Variants in ZFAND3 observed in about 807,000 individuals in gnomAD.
The protein encoded by ZFAND3 is AN1-type zinc finger protein 3.
Under a neutral mutation model 29.6 loss-of-function variants are expected in ZFAND3, and 10 were observed. That is an observed-to-expected ratio of 0.34 (90% CI 0.21 to 0.57). The LOEUF (loss-of-function observed/expected upper bound fraction) is 0.57, where lower values mean the gene tolerates loss of function less well. ZFAND3 is among the 20% of genes least tolerant of loss of function. ZFAND3 has a pLI of 0.86. For missense variants in ZFAND3, 230 were observed against 304.5 expected (o/e 0.76, Z 1.82); for synonymous variants, 128 against 112.6 (o/e 1.14, Z -0.87).
chr6:38,073,195 CT>C (rs999203352), intron 3 of ZFAND3, among the ~76,000 whole-genome samples: 42 of 152,134 alleles, frequency 2.8e-4, no homozygotes, highest in Non-Finnish European at 4.7e-4. Flanking sequence ...GAATAGATGT[CT>C]TTTTTTCATT....
intron 2 of ZFAND3, among the ~76,000 whole-genome samples, chr6:38,037,255 T>G (rs938040794): frequency 6.6e-6 from 1 of 152,180 alleles, no homozygotes; most frequent in Non-Finnish European, 1.5e-5. Flanking sequence ...GTGGGAAATA[T>G]TTTTAGTGTT....
intron 2 of ZFAND3, among the ~76,000 whole-genome samples, chr6:37,980,031 G>A (rs916895575): frequency 6.6e-6 from 1 of 152,170 alleles, no homozygotes; most frequent in African/African-American, 2.4e-5. Context: ...TGCCTACCAA[G>A]CCAGGGCTAC....
intron 1 of ZFAND3, among the ~76,000 whole-genome samples, chr6:37,898,945 G>T (rs1243765973): frequency 3.9e-5 from 6 of 152,006 alleles, no homozygotes; most frequent in African/African-American, 1.5e-4. Context: ...GCCCAGGCTG[G>T]AGTTTAGTGG....
intron 2 of ZFAND3, among the ~76,000 whole-genome samples, chr6:38,009,389 T>C (rs1324232421): frequency 1.3e-5 from 2 of 152,210 alleles, no homozygotes; most frequent in African/African-American, 4.8e-5. Context: ...GACCAGCAAG[T>C]AAGTTCCAAA....
intron 5 of ZFAND3, among the ~76,000 whole-genome samples, chr6:38,138,237 C>T (rs1562013357): frequency 6.6e-6 from 1 of 152,114 alleles, no homozygotes; most frequent in Non-Finnish European, 1.5e-5. Context: ...CTCAAGAATA[C>T]ATAAAAATAG....
intron 1 of ZFAND3, among the ~76,000 whole-genome samples, chr6:37,844,875 T>A (rs1764148851): frequency 6.6e-6 from 1 of 150,716 alleles, no homozygotes; most frequent in African/African-American, 2.4e-5. Context: ...ATACAAAAAA[T>A]TAGCCAGGCG....
chr6:38,105,320 G>A (rs760529570), intron 4 of ZFAND3, among the ~76,000 whole-genome samples: 8 of 152,062 alleles, frequency 5.3e-5, no homozygotes, highest in Non-Finnish European at 1.2e-4. Context: ...GGGGAGGATC[G>A]CTTGAGCCCA....
intron 2 of ZFAND3, among the ~76,000 whole-genome samples, chr6:37,948,921 G>A (rs1761947748): frequency 6.6e-6 from 1 of 152,154 alleles, no homozygotes; most frequent in South Asian, 2.1e-4. Flanking sequence ...GAACATATAT[G>A]TGCATGTGTC....
intron 1 of ZFAND3, among the ~76,000 whole-genome samples, chr6:37,918,099 T>G (rs1169726362): frequency 6.6e-6 from 1 of 152,122 alleles, no homozygotes; most frequent in African/African-American, 2.4e-5. Flanking sequence ...TTTTTTGATA[T>G]GGAGTCTCGC....
At chr6:38,148,453 C>G (rs183148848) in intron 5 of ZFAND3, among the ~76,000 whole-genome samples, 1 of 152,216 alleles carries the variant, frequency 6.6e-6, no homozygotes, top group African/African-American at 2.4e-5. Flanking sequence ...CTGGAAAGGC[C>G]CTTGTTGGTT....
chr6:38,058,255 G>A (rs1764169140), intron 2 of ZFAND3, among the ~76,000 whole-genome samples: 1 of 152,170 alleles, frequency 6.6e-6, no homozygotes, highest in South Asian at 2.1e-4. Context: ...AGATGGTACA[G>A]TGATGACTCA....
chr6:37,885,369 C>T (rs1331285386), intron 1 of ZFAND3, among the ~76,000 whole-genome samples: 1 of 152,100 alleles, frequency 6.6e-6, no homozygotes, highest in South Asian at 2.1e-4. Context: ...CTGGGCTAGA[C>T]GCGGTGGCTC....
rs533450768 is a variant in ZFAND3 at position 38,006,821 on chromosome 6, C to T, written c.113-54772C>T. 1.6e-3 allele frequency among the ~76,000 whole-genome samples: 243 copies of T among 152,154 alleles called. 1 individual carries two copies. The highest frequency in any genetic ancestry group is 3.4e-3 in the Middle Eastern group (1 of 294). ...TTGCACCCCTGCCCCTCTTCCAGTC[C>T]AGACTCATCCGAGAGGATCAGCACA... is the stretch of plus-strand genomic sequence containing the variant. On this transcript the variant is annotated intron_variant, in intron 2 of 5. Coordinates refer to ENST00000287218, the MANE Select transcript of ZFAND3 (RefSeq NM_021943.3).
At chr6:37,955,528 A>T (rs927699402) in intron 2 of ZFAND3, among the ~76,000 whole-genome samples, 2 of 152,184 alleles carry the variant, frequency 1.3e-5, no homozygotes. Context: ...CAGGATAGAA[A>T]GGCTCAGTGT....
intron 1 of ZFAND3, among the ~76,000 whole-genome samples, chr6:37,851,635 C>A (rs564564088): frequency 6.6e-6 from 1 of 152,188 alleles, no homozygotes; most frequent in East Asian, 1.9e-4. Flanking sequence ...TCATAATGAC[C>A]CTGAATCCTA....
intron 2 of ZFAND3, among the ~76,000 whole-genome samples, chr6:37,978,318 C>T (rs772984718): frequency 1.3e-5 from 2 of 152,128 alleles, no homozygotes; most frequent in Admixed American, 6.5e-5. Context: ...GGTTGTGATA[C>T]ATTCTATTTT....
chr6:38,064,747 C>G (rs188090902), intron 3 of ZFAND3, among the ~76,000 whole-genome samples: 1 of 148,308 alleles, frequency 6.7e-6, no homozygotes, highest in Non-Finnish European at 1.5e-5. Flanking sequence ...TTTCCTTTCT[C>G]TCTCTTCTTG....
chr6:37,956,296 C>T (rs1006033826), intron 2 of ZFAND3, among the ~76,000 whole-genome samples: 1 of 152,152 alleles, frequency 6.6e-6, no homozygotes, highest in Non-Finnish European at 1.5e-5. Flanking sequence ...ATTTAGGAGG[C>T]ATGAGGTGGG....
At chr6:37,898,012 T>C (rs1175573751) in intron 1 of ZFAND3, among the ~76,000 whole-genome samples, 1 of 152,224 alleles carries the variant, frequency 6.6e-6, no homozygotes, top group Non-Finnish European at 1.5e-5. Context: ...ATTCCCTTAG[T>C]GTTATCTTTT....
Sources: gnomAD v4.1 joint callset for allele counts (sites outside exome capture counted in the v4.1 genomes callset) on GRCh38, gnomAD v4.1.1 for gene constraint, MANE v1.5 for transcripts, NCBI Gene and HGNC (gene_info 2026-07-23, HGNC 2026-07-21) for gene names.